Variants in CPEB3 observed in about 807,000 individuals in gnomAD.
The protein encoded by CPEB3 is cytoplasmic polyadenylation element binding protein 3.
A neutral mutation model predicts 67.2 loss-of-function variants in CPEB3; 20 were observed. The ratio of observed to expected loss-of-function variants is 0.30; its 90% CI spans 0.21 to 0.43. CPEB3 has a LOEUF of 0.43. Among genes scored for constraint, CPEB3 ranks in the 20% least tolerant of loss-of-function variants. The probability of loss-of-function intolerance (pLI) is 1.00; values close to 1 mark genes in which losing one functional copy is unlikely to be tolerated. For synonymous variants in CPEB3, 376 were observed against 393.1 expected (o/e 0.96, Z 0.51); for missense variants, 746 against 968.6 (o/e 0.77, Z 3.05).
intron 2 of CPEB3, among the ~76,000 whole-genome samples, chr10:92,215,634 G>T (rs929778913): frequency 2.6e-5 from 4 of 151,502 alleles, no homozygotes; most frequent in African/African-American, 9.7e-5. Flanking sequence ...GTAGAGATGG[G>T]GTTTCACTGT....
At chr10:92,079,206 C>T (rs982641750) in intron 9 of CPEB3, among the ~76,000 whole-genome samples, 18 of 152,232 alleles carry the variant, frequency 1.2e-4, no homozygotes, top group African/African-American at 3.9e-4. Context: ...GGCACAAGCA[C>T]GTCTACCAGC....
At chr10:92,123,746 C>T (rs991283433) in intron 6 of CPEB3, among the ~76,000 whole-genome samples, 1 of 152,174 alleles carries the variant, frequency 6.6e-6, no homozygotes, top group Non-Finnish European at 1.5e-5. Context: ...TTAATTTCTT[C>T]GCCTCCCTGG....
chr10:92,155,178 C>T (rs893537805), intron 4 of CPEB3, among the ~76,000 whole-genome samples: 38 of 152,278 alleles, frequency 2.5e-4, no homozygotes, highest in African/African-American at 8.7e-4. Flanking sequence ...CACTGTACTC[C>T]AGCCTGGGCG....
chr10:92,053,604 C>T (rs1172898714), intron 9 of CPEB3, among the ~76,000 whole-genome samples: 3 of 150,528 alleles, frequency 2.0e-5, no homozygotes, highest in Admixed American at 1.3e-4. Context: ...TGCAGTGGCA[C>T]GATCTCGGCT....
intron 8 of CPEB3, among the ~76,000 whole-genome samples, chr10:92,081,868 A>G (rs567531292): frequency 6.6e-6 from 1 of 152,344 alleles, no homozygotes; most frequent in African/African-American, 2.4e-5. Context: ...TAACAAGTTA[A>G]TAAGAAACAG....
intron 4 of CPEB3, among the ~76,000 whole-genome samples, chr10:92,172,664 T>TA (rs1258558496): frequency 6.6e-6 from 1 of 152,194 alleles, no homozygotes; most frequent in Non-Finnish European, 1.5e-5. Flanking sequence ...CAAACCTGCA[T>TA]ATGTACCCCC....
At chr10:92,193,381 T>A (rs961937741) in intron 2 of CPEB3, among the ~76,000 whole-genome samples, 13 of 152,116 alleles carry the variant, frequency 8.5e-5, no homozygotes, top group African/African-American at 2.9e-4. Flanking sequence ...GTTAATTGGT[T>A]TTGCTCTCTA....
At chr10:92,270,110 C>T (rs1853240693) in intron 1 of CPEB3, among the ~76,000 whole-genome samples, 1 of 152,162 alleles carries the variant, frequency 6.6e-6, no homozygotes, top group South Asian at 2.1e-4. Flanking sequence ...AGAGCCTATG[C>T]AAGGTAGTAG....
chr10:92,266,836 C>A (rs1463017314), intron 1 of CPEB3, among the ~76,000 whole-genome samples: 2 of 151,992 alleles, frequency 1.3e-5, no homozygotes, highest in African/African-American at 2.4e-5. Context: ...GAGTTCGAGA[C>A]GAGCCTGGCC....
chr10:92,264,463 A>G (rs189347086), intron 1 of CPEB3, among the ~76,000 whole-genome samples: 1 of 152,328 alleles, frequency 6.6e-6, no homozygotes, highest in Admixed American at 6.5e-5. Context: ...AGGCATAACT[A>G]GGAATAACAT....
chr10:92,060,578 C>T (rs1454636179), intron 9 of CPEB3, among the ~76,000 whole-genome samples: 17 of 152,036 alleles, frequency 1.1e-4, no homozygotes, highest in South Asian at 2.1e-4. Flanking sequence ...AAAGAGACAA[C>T]CCACTGAATG....
chr10:92,052,223 G>A lies in CPEB3; in HGVS notation c.2086C>T (p.Arg696Cys), dbSNP rs761798097. 8 of 1,613,030 alleles carry A rather than the reference G, an allele frequency of 5.0e-6. No homozygotes were observed. In the African/African-American group the frequency reaches 6.7e-5, roughly 13 times the overall value. Residue 696 changes from arginine to cysteine, a missense_variant, in exon 10 of 10, where the codon CGC (arginine) becomes TGC (cysteine). Physicochemically the swap from Arg to Cys is radical, Grantham distance 180. Transcript: ENST00000265997. ...GGDRPRHVPFRWS is the reference protein window; with the variant it reads ...GGDRPRHVPFCWS ...GGTCGGCCCGTGGCTCAGCTCCAGC[G>A]GAACGGGACGTGACGAGGGCGGTCG...
chr10:92,107,861 C>T (rs1316205219), intron 7 of CPEB3, among the ~76,000 whole-genome samples: 2 of 152,158 alleles, frequency 1.3e-5, no homozygotes. Flanking sequence ...CAGACCTATA[C>T]ACAGAATAGT....
chr10:92,061,419 C>CAAAAAAAAAAAAAA (rs148327302), intron 9 of CPEB3, among the ~76,000 whole-genome samples: 2 of 93,348 alleles, frequency 2.1e-5, no homozygotes, highest in African/African-American at 8.0e-5. Context: ...AATTCTGTCT[C>CAAAAAAAAAAAAAA]AAAAAAAAAA....
chr10:92,101,182 A>C (rs779103694), intron 7 of CPEB3, among the ~76,000 whole-genome samples: 1 of 152,128 alleles, frequency 6.6e-6, no homozygotes, highest in African/African-American at 2.4e-5. Context: ...CAGCTCGGGA[A>C]ACCATCTGAC....
At chr10:92,116,259 A>T (rs979375778) in intron 6 of CPEB3, among the ~76,000 whole-genome samples, 7 of 134,982 alleles carry the variant, frequency 5.2e-5, no homozygotes, top group African/African-American at 8.7e-5. Context: ...CAGTAAAAAA[A>T]AAAAAAAATA....
chr10:92,196,273 AG>A (rs1179111036), intron 2 of CPEB3, among the ~76,000 whole-genome samples: 1 of 152,244 alleles, frequency 6.6e-6, no homozygotes, highest in Non-Finnish European at 1.5e-5. Context: ...TGTGAGCAGC[AG>A]GCAATAAACA....
intron 2 of CPEB3, among the ~76,000 whole-genome samples, chr10:92,238,249 TG>T (rs1174658099): frequency 6.6e-6 from 1 of 152,212 alleles, no homozygotes; most frequent in African/African-American, 2.4e-5. Context: ...AGTGTTTGCC[TG>T]GGAGCAAAAG....
intron 1 of CPEB3, among the ~76,000 whole-genome samples, chr10:92,278,467 T>C (rs929876758): frequency 6.6e-6 from 1 of 152,214 alleles, no homozygotes; most frequent in Admixed American, 6.5e-5. Context: ...AACATTTTAT[T>C]CTTTGCGATG....
Sources: gnomAD v4.1 joint callset for allele counts (sites outside exome capture counted in the v4.1 genomes callset) on GRCh38, gnomAD v4.1.1 for gene constraint, MANE v1.5 for transcripts, NCBI Gene and HGNC (gene_info 2026-07-23, HGNC 2026-07-21) for gene names.